The following GULP1 variants were observed in gnomAD, a reference collection of about 807,000 sequenced individuals.
GULP1 encodes PTB domain-containing engulfment adapter protein 1.
A neutral mutation model predicts 40.9 loss-of-function variants in GULP1; 19 were observed. The observed-to-expected ratio is 0.46, with a 90% CI of 0.32 to 0.68. The LOEUF (loss-of-function observed/expected upper bound fraction) is 0.68. Ranked by LOEUF, GULP1 falls within the 30% of genes least tolerant of loss-of-function variation. GULP1 has a pLI of 0.03. For missense variants in GULP1, 312 were observed against 362.2 expected (o/e 0.86, Z 1.12); for synonymous variants, 119 against 117.6 (o/e 1.01, Z -0.08).
chr2:188,385,531 T>C (rs993835230), intron 2 of GULP1, among the ~76,000 whole-genome samples: 1 of 152,224 alleles, frequency 6.6e-6, no homozygotes, highest in African/African-American at 2.4e-5. Flanking sequence ...TTGTTACTTA[T>C]GCAAATTTAT....
intron 2 of GULP1, among the ~76,000 whole-genome samples, chr2:188,404,762 C>T (rs917126243): frequency 1.3e-5 from 2 of 152,152 alleles, no homozygotes; most frequent in South Asian, 2.1e-4. Flanking sequence ...GGCCAGCCCC[C>T]GAGTCTCCAT....
intron 1 of GULP1, among the ~76,000 whole-genome samples, chr2:188,368,939 GTATATATATATATATATATATA>G (rs56274020): frequency 1.3e-4 from 11 of 86,082 alleles, no homozygotes; most frequent in Admixed American, 4.2e-4. Context: ...ATATATGTGT[GTATATATATATATATATATATA>G]TATATATATA....
At chr2:188,498,307 C>T (rs929269121) in intron 4 of GULP1, among the ~76,000 whole-genome samples, 10 of 151,842 alleles carry the variant, frequency 6.6e-5, no homozygotes, top group African/African-American at 2.2e-4. Context: ...CAGACTTGAA[C>T]CTGAGATAGG....
intron 1 of GULP1, among the ~76,000 whole-genome samples, chr2:188,365,262 T>A (rs1184041827): frequency 6.6e-6 from 1 of 152,158 alleles, no homozygotes; most frequent in African/African-American, 2.4e-5. Context: ...TAATGGAAGA[T>A]CTGTCCTAGG....
chr2:188,499,484 C>T (rs1054431795), intron 4 of GULP1, among the ~76,000 whole-genome samples: 4 of 151,452 alleles, frequency 2.6e-5, no homozygotes, highest in Non-Finnish European at 4.4e-5. Flanking sequence ...GAGTAGTGGC[C>T]TCTATACCTT....
chr2:188,395,547 C>T (rs540756268), intron 2 of GULP1, among the ~76,000 whole-genome samples: 1 of 152,270 alleles, frequency 6.6e-6, no homozygotes, highest in South Asian at 2.1e-4. Flanking sequence ...CAGATTTTCC[C>T]CACTGAGCCT....
intron 6 of GULP1, among the ~76,000 whole-genome samples, chr2:188,535,934 C>A (rs778583686): frequency 9.9e-5 from 15 of 151,916 alleles, no homozygotes; most frequent in Admixed American, 1.3e-4. Context: ...ATTTGAATTT[C>A]TTTGATGATA....
intron 2 of GULP1, among the ~76,000 whole-genome samples, chr2:188,427,361 A>C (rs2056333894): frequency 1.3e-5 from 2 of 152,214 alleles, no homozygotes; most frequent in African/African-American, 4.8e-5. Context: ...ACTAAAATGA[A>C]GGCAAATGCT....
chr2:188,448,067 C>A (rs2058540980), intron 2 of GULP1, among the ~76,000 whole-genome samples: 1 of 152,232 alleles, frequency 6.6e-6, no homozygotes, highest in South Asian at 2.1e-4. Context: ...CAGGTCCAAA[C>A]AAAGGTGGTA....
intron 1 of GULP1, among the ~76,000 whole-genome samples, chr2:188,319,772 T>A (rs2039693324): frequency 6.6e-6 from 1 of 152,176 alleles, no homozygotes; most frequent in Non-Finnish European, 1.5e-5. Context: ...CATAAATACT[T>A]ATTACAAAAC....
chr2:188,416,297 A>G (rs919813490), intron 2 of GULP1, among the ~76,000 whole-genome samples: 28 of 151,824 alleles, frequency 1.8e-4, no homozygotes, highest in African/African-American at 6.5e-4. Context: ...TTTCAAAGTG[A>G]TGAAAATATT....
intron 1 of GULP1, among the ~76,000 whole-genome samples, chr2:188,368,139 A>G (rs1210009790): frequency 6.6e-6 from 1 of 152,168 alleles, no homozygotes; most frequent in Non-Finnish European, 1.5e-5. Flanking sequence ...TATACCTAAT[A>G]TCTTATGATT....
At chr2:188,383,647 GA>G (rs1180240459) in intron 1 of GULP1, 115 bp from the exon 2 acceptor site, 2 of 151,964 alleles carry the variant, frequency 1.3e-5, no homozygotes, top group Admixed American at 6.6e-5. Context: ...TAACTTTCTT[GA>G]ACATTTGCAA....
At chr2:188,438,867 A>G (rs1202015807) in intron 2 of GULP1, among the ~76,000 whole-genome samples, 1 of 152,048 alleles carries the variant, frequency 6.6e-6, no homozygotes, top group African/African-American at 2.4e-5. Flanking sequence ...GTCTGTAACA[A>G]TAAACTGTGT....
chr2:188,390,135 C>A (rs1395994522), intron 2 of GULP1, among the ~76,000 whole-genome samples: 1 of 152,012 alleles, frequency 6.6e-6, no homozygotes, highest in Non-Finnish European at 1.5e-5. Flanking sequence ...TGGGTAGATA[C>A]CCAGTAGTGG....
chr2:188,491,622 T>A (rs1294891171), intron 4 of GULP1: 1 of 152,082 alleles, frequency 6.6e-6, no homozygotes, highest in African/African-American at 2.4e-5. Context: ...GCCTCCAGAT[T>A]CACTCTTTGT....
chr2:188,340,178 T>C (rs2042774815), intron 1 of GULP1, among the ~76,000 whole-genome samples: 2 of 152,210 alleles, frequency 1.3e-5, no homozygotes, highest in Admixed American at 1.3e-4. Flanking sequence ...GTTTCTGTGT[T>C]AGAGAAGGGA....
chr2:188,430,709 C>T (rs961525625), intron 2 of GULP1, among the ~76,000 whole-genome samples: 1 of 152,208 alleles, frequency 6.6e-6, no homozygotes, highest in African/African-American at 2.4e-5. Flanking sequence ...TCTTTTCCTC[C>T]ATGTGGATCC....
intron 2 of GULP1, among the ~76,000 whole-genome samples, chr2:188,442,720 T>C: frequency 6.6e-6 from 1 of 152,208 alleles, no homozygotes; most frequent in East Asian, 1.9e-4. Context: ...GGAATGGTGC[T>C]TGGCTTATAG....
Sources: gnomAD v4.1 joint callset for allele counts (sites outside exome capture counted in the v4.1 genomes callset) on GRCh38, gnomAD v4.1.1 for gene constraint, MANE v1.5 for transcripts, NCBI Gene and HGNC (gene_info 2026-07-23, HGNC 2026-07-21) for gene names.